ZFP90: variants seen among roughly 807,000 people sequenced by gnomAD.
ZFP90 encodes ZFP90 zinc finger protein, also known as zinc finger protein 90 homolog.
ZFP90 carries 38 observed loss-of-function variants against 60.8 expected under a neutral mutation model. That is an observed-to-expected ratio of 0.62 (90% CI 0.48 to 0.82). ZFP90 has a LOEUF of 0.82. Among genes scored for constraint, ZFP90 ranks in the 40% least tolerant of loss-of-function variants. ZFP90 has a pLI of 0.00. For synonymous variants in ZFP90, 287 were observed against 264.8 expected (o/e 1.08, Z -0.82); for missense variants, 711 against 759.1 (o/e 0.94, Z 0.74).
intron 2 of ZFP90, among the ~76,000 whole-genome samples, chr16:68,575,456 G>C (rs562657745): frequency 6.8e-6 from 1 of 146,170 alleles, no homozygotes; most frequent in Non-Finnish European, 1.5e-5. Flanking sequence ...CCCAAAGTCA[G>C]GTCATCTCTC....
chr16:68,554,266 C>T (rs1237525867), intron 2 of ZFP90, among the ~76,000 whole-genome samples: 4 of 151,772 alleles, frequency 2.6e-5, no homozygotes, highest in East Asian at 1.9e-4. Context: ...GGATTACAGG[C>T]GCCCGTCACC....
Position 68,563,133 on chromosome 16 carries a change from A to G in ZFP90, c.346A>G (p.Thr116Ala), listed in dbSNP as rs1244505912. Reference protein sequence around the residue: ...SHCTHDLLHATLEDSWDVSSQ... With the variant: ...SHCTHDLLHAALEDSWDVSSQ... ...CTGCACACATGATCTCTTACATGCT[A>G]CATTAGAAGACTCCTGGGATGTTAG... Residue 116 changes from threonine (T) to alanine (A), a missense_variant, in exon 5 of 5, where the codon ACA becomes GCA. Physicochemically the swap from Thr to Ala is moderately conservative, Grantham distance 58. Around this residue, in one of 5 missense-constraint regions of ZFP90, gnomAD observed 241 missense variants for 247.6 expected, o/e 0.97. Coordinates refer to ENST00000563169, the MANE Select transcript of ZFP90 (RefSeq NM_001305203.2). 5 of 1,614,080 alleles carry G rather than the reference A, an allele frequency of 3.1e-6. No homozygotes were observed. Among genetic ancestry groups the G allele is most frequent in the Admixed American group, 1.7e-5 (1 of 60,002 alleles).
chr16:68,552,765 A>G (rs1386570001), intron 2 of ZFP90, among the ~76,000 whole-genome samples: 1 of 152,102 alleles, frequency 6.6e-6, no homozygotes. Flanking sequence ...TATTTATTAA[A>G]TATTTGTGGA....
intron 2 of ZFP90, among the ~76,000 whole-genome samples, chr16:68,548,829 T>C (rs1445729317): frequency 2.6e-5 from 4 of 152,212 alleles, no homozygotes; most frequent in Non-Finnish European, 5.9e-5. Flanking sequence ...AAAAATTTCT[T>C]CTTACTCGAT....
chr16:68,568,517 C>T (rs1254169273), downstream of ZFP90, among the ~76,000 whole-genome samples: 1 of 152,176 alleles, frequency 6.6e-6, no homozygotes. Flanking sequence ...CTAAGCATAT[C>T]TCATGTCTCA....
chr16:68,564,806 A>T lies in ZFP90; in HGVS notation c.*108A>T. The T allele has an allele frequency of 6.9e-7, 1 of 1,441,308 alleles. No homozygotes were observed. Among genetic ancestry groups the T allele is most frequent in the Non-Finnish European group, 9.1e-7 (1 of 1,102,120 alleles). 89.3% of individuals were successfully genotyped at this position (1,441,308 alleles called of 1,614,324 possible). ...AATGTAATGAATTACGTGTGTGTTTATACGTTGTGTGTGGAGAAAACTGCC... is the reference window on the plus strand; with the variant it reads ...AATGTAATGAATTACGTGTGTGTTTTTACGTTGTGTGTGGAGAAAACTGCC... On this transcript the variant is annotated 3_prime_UTR_variant, in exon 5 of 5. Transcript: ENST00000563169.
At chr16:68,538,132 G>A (rs1034264924), upstream of ZFP90, among the ~76,000 whole-genome samples, 3 of 151,920 alleles carry the variant, frequency 2.0e-5, no homozygotes, top group East Asian at 2.0e-4. Flanking sequence ...GGCTGGTCTC[G>A]AACTCCTGAC....
intron 2 of ZFP90, among the ~76,000 whole-genome samples, chr16:68,554,120 GTTTTGT>G (rs150688458): frequency 0.23 from 26,740 of 117,346 alleles, 2,674 homozygotes; most frequent in African/African-American, 0.31. Context: ...GTTGTGTTTT[GTTTTGT>G]TTTTTTTTTT....
At chr16:68,558,440 A>C in intron 3 of ZFP90, 33 bp from the exon 4 acceptor site, 2 of 1,602,442 alleles carry the variant, frequency 1.2e-6, no homozygotes, top group South Asian at 1.1e-5. Context: ...ACTTGCACAA[A>C]CAACCAAATC....
At chr16:68,546,977 C>T (rs554958841) in intron 2 of ZFP90, among the ~76,000 whole-genome samples, 1 of 152,282 alleles carries the variant, frequency 6.6e-6, no homozygotes, top group Admixed American at 6.5e-5. Context: ...TTTTGCTTAT[C>T]CATTCATCCA....
chr16:68,541,287 G>A (rs1232097244), intron 2 of ZFP90, among the ~76,000 whole-genome samples: 3 of 151,720 alleles, frequency 2.0e-5, no homozygotes, highest in African/African-American at 7.3e-5. Flanking sequence ...ATCCGCCCAC[G>A]TTGGCCTCCC....
chr16:68,569,417 G>A (rs1185498928), downstream of ZFP90, among the ~76,000 whole-genome samples: 1 of 152,184 alleles, frequency 6.6e-6, no homozygotes, highest in Admixed American at 6.5e-5. Flanking sequence ...TTACAGGCGT[G>A]AGCCAGTGCG....
At chr16:68,547,283 T>C (rs2091168304) in intron 2 of ZFP90, among the ~76,000 whole-genome samples, 1 of 152,254 alleles carries the variant, frequency 6.6e-6, no homozygotes, top group Non-Finnish European at 1.5e-5. Flanking sequence ...TTCTGTTTTA[T>C]CTTGATAGTA....
In ZFP90 at chr16:68,566,807, T is replaced by C; in HGVS notation, c.*2109T>C. The stretch of plus-strand genomic sequence containing the variant: ...TTGGGGATCCCCATAGTGGACTACT[T>C]TCAGGAATGGCATGAATTGTAACCA... On this transcript the variant is annotated 3_prime_UTR_variant, in exon 5 of 5. Coordinates refer to ENST00000563169, the MANE Select transcript of ZFP90 (RefSeq NM_001305203.2). 1 of 985,574 alleles carries C rather than the reference T, an allele frequency of 1.0e-6. No individual in the cohort carries two copies. The highest frequency in any genetic ancestry group is 1.2e-6 in the Non-Finnish European group (1 of 829,958). 61.1% of individuals were successfully genotyped at this position (985,574 alleles called of 1,614,324 possible). A position where few individuals can be genotyped will look rare whatever the true frequency, so the allele number is the denominator to read the frequency against.
downstream of ZFP90, among the ~76,000 whole-genome samples, chr16:68,571,101 T>TG (rs1290465978): frequency 6.6e-6 from 1 of 152,128 alleles, no homozygotes; most frequent in African/African-American, 2.4e-5. Flanking sequence ...GCTTGTATCT[T>TG]GGGGGAAAGT....
chr16:68,563,672 A>G lies in ZFP90; in HGVS notation c.885A>G (p.Ser295=), dbSNP rs758682768. Residue 295 remains serine, a synonymous_variant, in exon 5 of 5, where the codon TCA becomes TCG. Transcript: ENST00000563169. ...NVCGKAFRHS[S]SLGQHENAHT... Reference sequence around the variant, plus strand: ...GTGGAAAGGCCTTCAGGCATAGCTCATCTCTTGGTCAGCATGAGAATGCTC... The same window carrying G: ...GTGGAAAGGCCTTCAGGCATAGCTCGTCTCTTGGTCAGCATGAGAATGCTC... 1.2e-6 allele frequency: 2 copies of G among 1,614,184 alleles called. No homozygotes were observed. The highest frequency in any genetic ancestry group is 2.2e-5 in the East Asian group (1 of 44,882).
chr16:68,539,682 G>A, intron 1 of ZFP90, 76 bp from the exon 2 acceptor site: 1 of 1,218,446 alleles, frequency 8.2e-7, no homozygotes. Flanking sequence ...TGGTTTAGGG[G>A]CGGAGGTGGG....
intron 2 of ZFP90, among the ~76,000 whole-genome samples, chr16:68,551,074 G>A (rs956146975): frequency 6.6e-6 from 1 of 152,190 alleles, no homozygotes; most frequent in African/African-American, 2.4e-5. Flanking sequence ...TAGTGCTTAA[G>A]TGGAGATACC....
chr16:68,538,120 C>G (rs1263605250), upstream of ZFP90, among the ~76,000 whole-genome samples: 1 of 152,054 alleles, frequency 6.6e-6, no homozygotes, highest in Admixed American at 6.6e-5. Context: ...CCATGTTGGT[C>G]AGGCTGGTCT....
Sources: allele counts gnomAD v4.1 joint callset (sites outside exome capture counted in the v4.1 genomes callset), GRCh38; gene constraint gnomAD v4.1.1; regional missense constraint gnomAD v4.1.1; transcripts MANE v1.5; gene names NCBI Gene and HGNC (gene_info 2026-07-23, HGNC 2026-07-21).